The following ST3GAL4 variants were observed in gnomAD, a reference collection of about 807,000 sequenced individuals.
ST3GAL4 encodes the protein ST3 beta-galactoside alpha-2,3-sialyltransferase 4, also known as CMP-N-acetylneuraminate-beta-galactosamide-alpha-2,3-sialyltransferase 4.
Under a neutral mutation model 42.6 loss-of-function variants are expected in ST3GAL4, and 24 were observed. The observed-to-expected ratio is 0.56, with a 90% CI of 0.41 to 0.79. The LOEUF (loss-of-function observed/expected upper bound fraction) is 0.79. Ranked by LOEUF, ST3GAL4 falls within the 30% of genes least tolerant of loss-of-function variation. ST3GAL4 has a pLI of 0.00. For missense variants in ST3GAL4, 311 were observed against 430.8 expected, an observed-to-expected ratio of 0.72 and a Z score of 2.46; for synonymous variants, 135 against 163.2, an observed-to-expected ratio of 0.83 and a Z score of 1.32.
At chr11:126,413,817 T>A in intron 10 of ST3GAL4, 144 bp from the exon 11 acceptor site, 1 of 1,383,336 alleles carries the variant, frequency 7.2e-7, no homozygotes, top group Non-Finnish European at 9.9e-7. Flanking sequence ...TTCAGCCACA[T>A]GGGCTTTGTC....
chr11:126,390,054 G>A (rs1249817718), intron 1 of ST3GAL4, among the ~76,000 whole-genome samples: 1 of 151,128 alleles, frequency 6.6e-6, no homozygotes, highest in Non-Finnish European at 1.5e-5. Context: ...GCGGTGGGGG[G>A]CGCCTGTAGT....
At chr11:126,390,786 C>T (rs1339210997) in intron 1 of ST3GAL4, among the ~76,000 whole-genome samples, 1 of 152,062 alleles carries the variant, frequency 6.6e-6, no homozygotes, top group Admixed American at 6.6e-5. Flanking sequence ...ATCCATCTCC[C>T]GAACTCTCTT....
chr11:126,380,869 T>C (rs1225814877), intron 1 of ST3GAL4, among the ~76,000 whole-genome samples: 1 of 151,852 alleles, frequency 6.6e-6, no homozygotes, highest in Non-Finnish European at 1.5e-5. Flanking sequence ...ATGGAGGGAG[T>C]TGGCCAAAGT....
rs1954241757 is a variant in ST3GAL4 at position 126,406,555 on chromosome 11, G to A, written c.99G>A (p.Glu33=). 6.2e-7 allele frequency: 1 copy of A among 1,614,176 alleles called. No homozygotes were observed. Among genetic ancestry groups the A allele is most frequent in the Admixed American group, 1.7e-5 (1 of 60,014 alleles). The change falls in exon 3 of 11, where the codon GAG becomes GAA. Residue 33 remains glutamate, a splice_region_variant and synonymous_variant. Transcript: ENST00000444328. This position sits in a 1 kb window ranked among gnomAD's most constrained non-coding sequence, Gnocchi z 5.4. ...TCTCCCGGGAAGACAGGTACATCGA[G>A]CTGTGAGTTCACCTTCCATGTCCTT... is the stretch of plus-strand genomic sequence containing the variant. ...YSISREDRYI[E]LFYFPIPEKK... is the part of the protein sequence containing the mutation.
In ST3GAL4 at chr11:126,366,474, T is replaced by C. The variant is rs931785833; in HGVS notation, c.-61+10632T>C. 1.3e-5 allele frequency among the ~76,000 whole-genome samples: 2 copies of C among 151,926 alleles called. No individual in the cohort carries two copies. Among genetic ancestry groups the C allele is most frequent in the African/African-American group, 4.8e-5 (2 of 41,338 alleles). On this transcript the variant is annotated intron_variant, in intron 1 of 10. Transcript: ENST00000444328. This position sits in a 1 kb window ranked among gnomAD's most constrained non-coding sequence, Gnocchi z 4.2. ...CCAATGTGTTTGTGCTGGAGAAGCC[T>C]GTGTAGGTTACTGACATGGGGAGGG...
At position 126,393,001 on chromosome 11, in the gene ST3GAL4, G is replaced by C. The variant is rs1229637664; in HGVS notation, c.-60-13095G>C. ...TTTGAGACAGGCTAGAGTGCAGGGG[G>C]ACGATCATAGCTTACTGCAGCCTCG... On this transcript the variant is annotated intron_variant, in intron 1 of 10. Transcript: ENST00000444328. This position sits in a 1 kb window ranked among gnomAD's most constrained non-coding sequence, Gnocchi z 5.9. 6.6e-6 allele frequency among the ~76,000 whole-genome samples: 1 copy of C among 151,084 alleles called. No homozygotes were observed. Among genetic ancestry groups the C allele is most frequent in the Non-Finnish European group, 1.5e-5 (1 of 67,810 alleles).
In ST3GAL4 at chr11:126,408,436, G is replaced by A. The variant is rs1232457643; in HGVS notation, c.567G>A (p.Leu189=). 2 of 1,614,222 alleles carry A rather than the reference G, an allele frequency of 1.2e-6. No individual in the cohort carries two copies. Among genetic ancestry groups the A allele is most frequent in the Non-Finnish European group, 8.5e-7 (1 of 1,180,046 alleles). The change falls in exon 8 of 11, where the codon CTG becomes CTA. Residue 189 remains leucine, a synonymous_variant. Transcript: ENST00000444328. ...ACAACCCAGACACACTCCTCGTCCT[G>A]GTAGCTTTCAAGGCAATGGACTTCC... ...VENNPDTLLV[L]VAFKAMDFHW...
intron 1 of ST3GAL4, chr11:126,403,416 C>G (rs1954095000): frequency 1.0e-6 from 1 of 985,476 alleles, no homozygotes; most frequent in Non-Finnish European, 1.2e-6. Flanking sequence ...GTGTATCTGT[C>G]TTTCACAAAA....
Position 126,414,123 on chromosome 11 carries a change from C to A in ST3GAL4, c.*76C>A. ...CCCCCATGCGTGGCTGTGGGGGTGGCTGGTGCCAGTATGACCCACTTGGAC... is the reference window on the plus strand; with the variant it reads ...CCCCCATGCGTGGCTGTGGGGGTGGATGGTGCCAGTATGACCCACTTGGAC... On this transcript the variant is annotated 3_prime_UTR_variant, in exon 11 of 11. Coordinates refer to ENST00000444328, the MANE Select transcript of ST3GAL4 (RefSeq NM_001254757.2). 1.4e-6 allele frequency: 2 copies of A among 1,479,852 alleles called. No homozygotes were observed. The highest frequency in any genetic ancestry group is 1.9e-6 in the Non-Finnish European group (2 of 1,058,704). The allele number at this position is 1,479,852 out of a possible 1,614,324, so 91.7% of individuals were successfully genotyped here.
At chr11:126,367,528 C>T (rs1380257477) in intron 1 of ST3GAL4, among the ~76,000 whole-genome samples, 1 of 152,130 alleles carries the variant, frequency 6.6e-6, no homozygotes, top group Admixed American at 6.5e-5. Flanking sequence ...GTCGCTGGTA[C>T]CTTCCAGGTC....
chr11:126,392,469 T>G lies in ST3GAL4; in HGVS notation c.-60-13627T>G. The G allele has an allele frequency of 1.4e-6, 1 of 726,638 alleles. No homozygotes were observed. Among genetic ancestry groups the G allele is most frequent in the Non-Finnish European group, 1.7e-6 (1 of 593,424 alleles). The allele number at this position is 726,638 out of a possible 1,614,324, so 45.0% of individuals were successfully genotyped here. A position where few individuals can be genotyped will look rare whatever the true frequency, so the allele number is the denominator to read the frequency against. ...TCATCGACATGCATTTGGCAGAAAG[T>G]GCGCTGGCTCTGCCAGCTCCCAGTG... is the stretch of plus-strand genomic sequence containing the variant. On this transcript the variant is annotated intron_variant, in intron 1 of 10. Coordinates refer to ENST00000444328, the MANE Select transcript of ST3GAL4 (RefSeq NM_001254757.2). This position sits in a 1 kb window ranked among gnomAD's most constrained non-coding sequence, Gnocchi z 5.8.
At chr11:126,374,612 G>A (rs1482038357) in intron 1 of ST3GAL4, among the ~76,000 whole-genome samples, 1 of 152,170 alleles carries the variant, frequency 6.6e-6, no homozygotes, top group Non-Finnish European at 1.5e-5. Flanking sequence ...ACCTGGTGAG[G>A]CTGGTGCGTG....
chr11:126,383,144 G>C lies in ST3GAL4; in HGVS notation c.-60-22952G>C, dbSNP rs1953072212. On this transcript the variant is annotated intron_variant, in intron 1 of 10. Coordinates refer to ENST00000444328, the MANE Select transcript of ST3GAL4 (RefSeq NM_001254757.2). The surrounding 1 kb of genome is among the most constrained non-coding windows in gnomAD (Gnocchi z 4.5). ...CAGGCTGCCCTGGGACACTCTCCAG[G>C]CCTGCTGGGGACACACCTGTGGGGC... is the stretch of plus-strand genomic sequence containing the variant. Among the ~76,000 whole-genome samples, 1 of 152,206 alleles carries C rather than the reference G, an allele frequency of 6.6e-6. No individual in the cohort carries two copies. The highest frequency in any genetic ancestry group is 2.1e-4 in the South Asian group (1 of 4,834).
At chr11:126,364,433 T>G (rs1952358480) in intron 1 of ST3GAL4, among the ~76,000 whole-genome samples, 2 of 137,852 alleles carry the variant, frequency 1.5e-5, no homozygotes, top group Admixed American at 7.5e-5. Context: ...GAGGGGAGGG[T>G]GGAGTCCAGC....
chr11:126,374,494 C>T (rs1952762986), intron 1 of ST3GAL4, among the ~76,000 whole-genome samples: 1 of 148,928 alleles, frequency 6.7e-6, no homozygotes, highest in Non-Finnish European at 1.5e-5. Context: ...AAAAGGAAAG[C>T]TGGATGAAGA....
Position 126,383,606 on chromosome 11 carries a change from A to G in ST3GAL4, c.-60-22490A>G, listed in dbSNP as rs1953096597. On this transcript the variant is annotated intron_variant, in intron 1 of 10. Transcript: ENST00000444328. This position sits in a 1 kb window ranked among gnomAD's most constrained non-coding sequence, Gnocchi z 4.5. ...TTGGGCAGGTGTGTGTGTGTGACCA[A>G]GCTTGCGGGCGCCTGAGTATGGACT... is the stretch of plus-strand genomic sequence containing the variant. Among the ~76,000 whole-genome samples, 1 of 152,066 alleles carries G rather than the reference A, an allele frequency of 6.6e-6. No homozygotes were observed. The highest frequency in any genetic ancestry group is 1.5e-5 in the Non-Finnish European group (1 of 67,994).
intron 1 of ST3GAL4, among the ~76,000 whole-genome samples, chr11:126,374,294 A>C (rs894841716): frequency 6.6e-6 from 1 of 151,958 alleles, no homozygotes; most frequent in African/African-American, 2.4e-5. Flanking sequence ...CCTACTAAAA[A>C]TACAAAAATT....
rs1220788732 is a variant in ST3GAL4, at chr11:126,407,294, T to C, written c.225T>C (p.Tyr75=). The C allele has an allele frequency of 2.5e-6, 4 of 1,614,212 alleles. No homozygotes were observed. The highest frequency in any genetic ancestry group is 3.4e-6 in the Non-Finnish European group (4 of 1,180,024). The change falls in exon 5 of 11, where the codon TAT becomes TAC. Residue 75 remains tyrosine, a synonymous_variant. Coordinates refer to ENST00000444328, the MANE Select transcript of ST3GAL4 (RefSeq NM_001254757.2). ...CCATCTTCCTGCGGCTTGAGGATTA[T>C]TTCTGGGTCAAGACGCCATCTGCTT... is the stretch of plus-strand genomic sequence containing the variant. The part of the protein sequence containing the change: ...DQPIFLRLED[Y]FWVKTPSAYE...
rs760967163 is a variant in ST3GAL4 at position 126,413,502 on chromosome 11, C to T, written c.772-3C>T. 6.2e-7 allele frequency: 1 copy of T among 1,613,926 alleles called. No individual in the cohort carries two copies. Among genetic ancestry groups the T allele is most frequent in the Middle Eastern group, 1.7e-4 (1 of 5,940 alleles). On this transcript the variant is annotated splice_region_variant and splice_polypyrimidine_tract_variant and intron_variant, in intron 9 of 10. Coordinates refer to ENST00000444328, the MANE Select transcript of ST3GAL4 (RefSeq NM_001254757.2). The stretch of plus-strand genomic sequence containing the variant: ...CTAACACCCTCCTGCCCCTGTTCCT[C>T]AGAAGCCCACCACGGGCCTGTTGGC...
Sources: allele counts gnomAD v4.1 joint callset (sites outside exome capture counted in the v4.1 genomes callset), GRCh38; gene constraint gnomAD v4.1.1; non-coding constraint Gnocchi (gnomAD v3.1); transcripts MANE v1.5; gene names NCBI Gene and HGNC (gene_info 2026-07-23, HGNC 2026-07-21).